The following EBF2 variants were observed in gnomAD, a reference collection of about 807,000 sequenced individuals.
EBF2 encodes the protein transcription factor COE2.
EBF2 carries 21 observed loss-of-function variants against 72.8 expected under a neutral mutation model. The ratio of observed to expected loss-of-function variants is 0.29; its 90% CI spans 0.20 to 0.42. The LOEUF is 0.42. Ranked by LOEUF, EBF2 falls within the 10% of genes least tolerant of loss-of-function variation. The pLI, the probability that EBF2 is intolerant of heterozygous loss-of-function variation, is 1.00. For missense variants in EBF2, 637 were observed against 731.2 expected (o/e 0.87, Z 1.49); for synonymous variants, 299 against 274.2 (o/e 1.09, Z -0.89).
chr8:26,040,420 G>T (rs1035325836), intron 4 of EBF2, among the ~76,000 whole-genome samples, 196 bp downstream of exon 4: 5 of 151,352 alleles, frequency 3.3e-5, no homozygotes, highest in Admixed American at 6.6e-5. Flanking sequence ...AGACAAAACA[G>T]GTCACTTGGT....
At chr8:25,975,853 C>T (rs1431157281) in intron 6 of EBF2, among the ~76,000 whole-genome samples, 1 of 152,132 alleles carries the variant, frequency 6.6e-6, no homozygotes, top group South Asian at 2.1e-4. Flanking sequence ...TCTGAAAATT[C>T]TGTTTCAGCA....
intron 6 of EBF2, among the ~76,000 whole-genome samples, chr8:25,917,555 A>G (rs1473397465): frequency 1.3e-5 from 2 of 152,226 alleles, no homozygotes; most frequent in African/African-American, 4.8e-5. Context: ...CAGAAAAGAA[A>G]AAAGAACTCA....
intron 15 of EBF2, 22 bp from the exon 16 acceptor site, chr8:25,844,662 G>C: frequency 6.2e-7 from 1 of 1,613,946 alleles, no homozygotes; most frequent in African/African-American, 1.3e-5. Context: ...GAGTGGCACA[G>C]GAATGAGACT....
At chr8:25,986,005 A>AAAAAAAAAAC in intron 6 of EBF2, among the ~76,000 whole-genome samples, 1 of 99,204 alleles carries the variant, frequency 1.0e-5, no homozygotes, top group Non-Finnish European at 2.4e-5. Context: ...CTGTCTCAAA[A>AAAAAAAAAAC]AAAAAAAAAA....
chr8:26,013,637 G>A (rs1805062590), intron 6 of EBF2, among the ~76,000 whole-genome samples: 1 of 151,676 alleles, frequency 6.6e-6, no homozygotes, highest in Non-Finnish European at 1.5e-5. Flanking sequence ...TTATAACAAT[G>A]TGGATTTCCT....
At chr8:26,003,294 C>T (rs1320565860) in intron 6 of EBF2, among the ~76,000 whole-genome samples, 1 of 152,136 alleles carries the variant, frequency 6.6e-6, no homozygotes, top group Admixed American at 6.5e-5. Context: ...TGAATGCCCC[C>T]TGAGAGCTGC....
At chr8:25,928,137 G>A (rs1329408620) in intron 6 of EBF2, among the ~76,000 whole-genome samples, 3 of 152,258 alleles carry the variant, frequency 2.0e-5, no homozygotes, top group Admixed American at 6.5e-5. Flanking sequence ...AATCTGGTAA[G>A]AGTAAAAGGT....
At chr8:26,002,703 A>G (rs1352486639) in intron 6 of EBF2, among the ~76,000 whole-genome samples, 1 of 152,172 alleles carries the variant, frequency 6.6e-6, no homozygotes, top group Non-Finnish European at 1.5e-5. Context: ...GGTGAGAAAT[A>G]AATAATGAGG....
At chr8:25,958,455 A>G (rs890140522) in intron 6 of EBF2, among the ~76,000 whole-genome samples, 9 of 151,578 alleles carry the variant, frequency 5.9e-5, no homozygotes, top group African/African-American at 2.2e-4. Flanking sequence ...CAATGAACAC[A>G]TCTGCATTCC....
At chr8:25,848,090 C>G (rs1025546327) in intron 15 of EBF2, among the ~76,000 whole-genome samples, 1 of 152,168 alleles carries the variant, frequency 6.6e-6, no homozygotes. Flanking sequence ...GTTGCACAGG[C>G]TAGGCTCAAG....
chr8:25,852,202 G>A (rs1801994430), intron 14 of EBF2, among the ~76,000 whole-genome samples: 1 of 152,152 alleles, frequency 6.6e-6, no homozygotes, highest in African/African-American at 2.4e-5. Flanking sequence ...AAACACTGTT[G>A]GGCTAATTCA....
chr8:25,941,724 T>G (rs1420366880), intron 6 of EBF2, among the ~76,000 whole-genome samples: 1 of 152,146 alleles, frequency 6.6e-6, no homozygotes, highest in Non-Finnish European at 1.5e-5. Flanking sequence ...GACCACTGGC[T>G]GCTGTCAGAG....
intron 6 of EBF2, among the ~76,000 whole-genome samples, chr8:25,953,641 G>T (rs564664614): frequency 6.6e-6 from 1 of 152,180 alleles, no homozygotes; most frequent in African/African-American, 2.4e-5. Flanking sequence ...ATCAGAGACA[G>T]TGTCACCTAA....
chr8:25,894,466 T>A (rs575760760), intron 7 of EBF2, among the ~76,000 whole-genome samples: 16 of 152,260 alleles, frequency 1.1e-4, no homozygotes, highest in Non-Finnish European at 1.9e-4. Flanking sequence ...TAGTGAGTAT[T>A]TCCTGGGTCA....
chr8:26,024,242 A>G lies in EBF2; in HGVS notation c.551+8843T>C, dbSNP rs112019562. Among the ~76,000 whole-genome samples, 158 of 152,264 alleles carry G rather than the reference A, an allele frequency of 1.0e-3. 2 individuals are homozygous for G. The highest frequency in any genetic ancestry group is 3.6e-3 in the African/African-American group (148 of 41,554). ...AGCCATCACCCCACCTATCTCTGCC[A>G]TGATGGAAATTATCTCCGCACTTCA... On this transcript the variant is annotated intron_variant, in intron 6 of 15. Coordinates refer to ENST00000520164, the MANE Select transcript of EBF2 (RefSeq NM_022659.4).
chr8:25,897,393 A>G (rs1585186437), intron 7 of EBF2, among the ~76,000 whole-genome samples: 1 of 152,142 alleles, frequency 6.6e-6, no homozygotes, highest in East Asian at 1.9e-4. Flanking sequence ...TTCAAGGAGT[A>G]TACATGCAGG....
intron 6 of EBF2, among the ~76,000 whole-genome samples, chr8:26,011,056 A>T (rs995507769): frequency 1.6e-4 from 25 of 152,132 alleles, no homozygotes; most frequent in African/African-American, 5.8e-4. Flanking sequence ...AGCAAAAGTT[A>T]ATAACTCCAC....
At position 26,040,990 on chromosome 8, in the gene EBF2, C is replaced by T. The variant is rs1563217075; in HGVS notation, c.301G>A (p.Glu101Lys). 1.2e-6 allele frequency: 2 copies of T among 1,614,170 alleles called. No individual in the cohort carries two copies. Among genetic ancestry groups the T allele is most frequent in the Non-Finnish European group, 1.7e-6 (2 of 1,180,032 alleles). ...FVENDKEQGN[E>K]KTNNGTHYKL... ...TAGTGAGTGCCGTTGTTGGTCTTCT[C>T]GTTGCCTTGTTCCTGAAAAGACAGG... The change falls in exon 3 of 16, where the codon GAG becomes AAG. Residue 101 changes from glutamate (E) to lysine (K), a missense_variant. This residue lies in a region of EBF2 where 174 missense variants were observed against 161.9 expected (regional missense o/e 1.07). Transcript: ENST00000520164.
chr8:26,001,589 C>T (rs1585222202), intron 6 of EBF2, among the ~76,000 whole-genome samples: 1 of 151,548 alleles, frequency 6.6e-6, no homozygotes, highest in African/African-American at 2.4e-5. Context: ...CTGCTCTTGT[C>T]CCCAGGCTGG....
Sources: allele counts gnomAD v4.1 joint callset (sites outside exome capture counted in the v4.1 genomes callset), GRCh38; gene constraint gnomAD v4.1.1; regional missense constraint gnomAD v4.1.1; transcripts MANE v1.5; gene names NCBI Gene and HGNC (gene_info 2026-07-23, HGNC 2026-07-21).